The following TTLL6 variants were observed in gnomAD, a reference collection of about 807,000 sequenced individuals.
TTLL6 encodes tubulin tyrosine ligase like 6, also known as tubulin polyglutamylase TTLL6.
A neutral mutation model predicts 96.4 loss-of-function variants in TTLL6; 75 were observed. The observed-to-expected ratio is 0.78, with a 90% CI of 0.65 to 0.94. The LOEUF (loss-of-function observed/expected upper bound fraction) is 0.94, where lower values mean the gene tolerates loss of function less well. Among genes scored for constraint, TTLL6 ranks in the 40% least tolerant of loss-of-function variants. The pLI, the probability that TTLL6 is intolerant of heterozygous loss-of-function variation, is 0.00. For missense variants in TTLL6, 1,030 were observed against 1,093.0 expected (o/e 0.94, Z 0.81); for synonymous variants, 411 against 419.4 (o/e 0.98, Z 0.24).
intron 1 of TTLL6, 64 bp from the exon 2 acceptor site, chr17:48,805,055 G>T: frequency 7.7e-7 from 1 of 1,294,346 alleles, no homozygotes; most frequent in Non-Finnish European, 1.1e-6. Flanking sequence ...CCCCTCCCTC[G>T]CTCATGTGGG....
At chr17:48,779,612 A>G (rs75468285) in intron 13 of TTLL6, among the ~76,000 whole-genome samples, 2,882 of 152,256 alleles carry the variant, frequency 0.019, 109 homozygotes, top group African/African-American at 0.066. Context: ...TGTTCACAGG[A>G]GCTTTAATGA....
rs1457725404 is a variant in TTLL6, at chr17:48,785,031, A to G, written c.1932T>C (p.Asp644=). The change falls in exon 13 of 16, where the codon GAT becomes GAC. Residue 644 remains aspartate, a synonymous_variant. Coordinates refer to ENST00000393382, the MANE Select transcript of TTLL6 (RefSeq NM_001130918.3). ...AGCTGCTGAGATTGATATTCCTCAG[A>G]TCGGGTAGAGAACTGAAGGGCTTCG... is the stretch of plus-strand genomic sequence containing the variant. ...TSAKPFSSLP[D]LRNINLSSSK... is the part of the protein sequence containing the mutation. The G allele has an allele frequency of 1.2e-6, 2 of 1,614,058 alleles. No individual in the cohort carries two copies. Among genetic ancestry groups the G allele is most frequent in the South Asian group, 1.1e-5 (1 of 91,082 alleles).
intron 1 of TTLL6, among the ~76,000 whole-genome samples, chr17:48,810,781 GTA>G (rs764132683): frequency 1.0e-4 from 11 of 109,228 alleles, no homozygotes; most frequent in Non-Finnish European, 1.2e-4. Flanking sequence ...TAGTATGTGT[GTA>G]TATATATATA....
At chr17:48,800,943 T>G (rs2039400515) in intron 5 of TTLL6, among the ~76,000 whole-genome samples, 1 of 152,074 alleles carries the variant, frequency 6.6e-6, no homozygotes, top group African/African-American at 2.4e-5. Flanking sequence ...TCCTTAAAGA[T>G]TCAGAAACTG....
At chr17:48,798,367 G>A (rs776665345) in intron 6 of TTLL6, among the ~76,000 whole-genome samples, 11 of 152,120 alleles carry the variant, frequency 7.2e-5, no homozygotes, top group Non-Finnish European at 1.5e-4. Context: ...AGGAGTTTGA[G>A]GCCAGCTTGG....
chr17:48,781,187 C>T (rs1300142319), intron 13 of TTLL6, among the ~76,000 whole-genome samples: 1 of 152,010 alleles, frequency 6.6e-6, no homozygotes, highest in East Asian at 1.9e-4. Context: ...GCTGGCATTA[C>T]ATGTATATGC....
chr17:48,770,239 CT>C, intron 13 of TTLL6, 142 bp from the exon 14 acceptor site: 2 of 1,163,190 alleles, frequency 1.7e-6, no homozygotes, highest in Non-Finnish European at 2.3e-6. Flanking sequence ...AGTGATGCTC[CT>C]GCCTCAGCCT....
At chr17:48,789,178 AT>A (rs1454139314) in intron 10 of TTLL6, among the ~76,000 whole-genome samples, 1 of 152,062 alleles carries the variant, frequency 6.6e-6, no homozygotes, top group Non-Finnish European at 1.5e-5. Context: ...TTCACTTAGT[AT>A]TAATTAATTT....
intron 8 of TTLL6, among the ~76,000 whole-genome samples, chr17:48,795,099 G>A (rs1169071752): frequency 2.6e-5 from 4 of 152,134 alleles, no homozygotes; most frequent in Non-Finnish European, 2.9e-5. Context: ...AGGCTGAGGT[G>A]GGAAGATCAC....
Position 48,785,005 on chromosome 17 carries a change from G to A in TTLL6, c.1958C>T (p.Ser653Leu), listed in dbSNP as rs751248325. 14 of 1,614,058 alleles carry A rather than the reference G, an allele frequency of 8.7e-6. No homozygotes were observed. The highest frequency in any genetic ancestry group is 2.2e-5 in the East Asian group (1 of 44,898). ...PDLRNINLSSSKLEPSKPNFS... is the reference protein window; with the variant it reads ...PDLRNINLSSLKLEPSKPNFS... ...GTTGGGTTTACTGGGCTCCAACTTCGAGCTGCTGAGATTGATATTCCTCAG... is the reference window on the plus strand; with the variant it reads ...GTTGGGTTTACTGGGCTCCAACTTCAAGCTGCTGAGATTGATATTCCTCAG... The change falls in exon 13 of 16, where the codon TCG becomes TTG. Residue 653 changes from serine (S) to leucine (L), a missense_variant. Transcript: ENST00000393382.
chr17:48,773,343 A>T (rs1240805964), intron 13 of TTLL6, among the ~76,000 whole-genome samples: 2 of 152,204 alleles, frequency 1.3e-5, no homozygotes, highest in East Asian at 3.8e-4. Context: ...TAAAAACAAG[A>T]TCAAGAACCC....
chr17:48,810,916 T>C (rs1159277290), intron 1 of TTLL6, among the ~76,000 whole-genome samples: 2 of 147,436 alleles, frequency 1.4e-5, no homozygotes, highest in African/African-American at 4.9e-5. Flanking sequence ...TCCATTTCTT[T>C]TGGAGAGGTC....
chr17:48,792,362 T>C (rs1054294177), intron 8 of TTLL6, among the ~76,000 whole-genome samples: 4 of 152,120 alleles, frequency 2.6e-5, no homozygotes, highest in South Asian at 4.1e-4. Context: ...CAAGAGGCAG[T>C]GGTGGGGACA....
At chr17:48,810,244 G>T (rs2039561172) in intron 1 of TTLL6, among the ~76,000 whole-genome samples, 1 of 151,810 alleles carries the variant, frequency 6.6e-6, no homozygotes, top group South Asian at 2.1e-4. Flanking sequence ...TTGAGCCCAT[G>T]CACTTTTAGA....
intron 2 of TTLL6, chr17:48,804,497 C>G (rs1435130987): frequency 1.7e-6 from 1 of 597,220 alleles, no homozygotes; most frequent in South Asian, 1.5e-5. Flanking sequence ...AGGAAATCTT[C>G]TTTTCCTGCT....
intron 8 of TTLL6, among the ~76,000 whole-genome samples, chr17:48,795,111 A>T (rs1471180892): frequency 6.6e-6 from 1 of 152,152 alleles, no homozygotes; most frequent in Admixed American, 6.5e-5. Context: ...GAAGATCACG[A>T]GGTGAAGAGA....
rs1463041388 is a variant in TTLL6 at position 48,796,067 on chromosome 17, C to T, written c.992G>A (p.Ser331Asn). Reference sequence around the variant, plus strand: ...AATGAAGCCTCTTCCTTACCTCTTACTGCCAGAGTGTGCATCTCGACTGAA... The same window carrying T: ...AATGAAGCCTCTTCCTTACCTCTTATTGCCAGAGTGTGCATCTCGACTGAA... ...SNFSRDAHSG[S>N]KRKLSTFSAY... Residue 331 changes from serine (S) to asparagine (N), a missense_variant, in exon 8 of 16, where the codon AGT (serine) becomes AAT (asparagine). Transcript: ENST00000393382. 1.3e-6 allele frequency: 2 copies of T among 1,551,256 alleles called. No homozygotes were observed. The highest frequency in any genetic ancestry group is 1.7e-6 in the Non-Finnish European group (2 of 1,146,652).
At chr17:48,793,351 A>G (rs1406251087) in intron 8 of TTLL6, among the ~76,000 whole-genome samples, 1 of 152,170 alleles carries the variant, frequency 6.6e-6, no homozygotes, top group East Asian at 1.9e-4. Context: ...GGAGCAAAGT[A>G]CAACTAGGGA....
chr17:48,794,253 G>A, intron 8 of TTLL6: 3 of 1,613,866 alleles, frequency 1.9e-6, no homozygotes, highest in Non-Finnish European at 2.5e-6. Flanking sequence ...GAGGGCCCAG[G>A]GCCTGCTGTT....
Sources: allele counts gnomAD v4.1 joint callset (sites outside exome capture counted in the v4.1 genomes callset), GRCh38; gene constraint gnomAD v4.1.1; transcripts MANE v1.5; gene names NCBI Gene and HGNC (gene_info 2026-07-23, HGNC 2026-07-21).